NFATC2: variants seen among roughly 807,000 people sequenced by gnomAD.
The protein encoded by NFATC2 is nuclear factor of activated T-cells, cytoplasmic 2.
Under a neutral mutation model 87.3 loss-of-function variants are expected in NFATC2, and 22 were observed. That is an observed-to-expected ratio of 0.25 (90% CI 0.18 to 0.36). The LOEUF (loss-of-function observed/expected upper bound fraction) is 0.36, where lower values mean the gene tolerates loss of function less well. Among genes scored for constraint, NFATC2 ranks in the 10% least tolerant of loss-of-function variants. NFATC2 has a pLI of 1.00. For synonymous variants in NFATC2, 565 were observed against 542.2 expected, an observed-to-expected ratio of 1.04 and a Z score of -0.58; for missense variants, 1,149 against 1,259.1, an observed-to-expected ratio of 0.91 and a Z score of 1.32.
At position 51,524,380 on chromosome 20, in the gene NFATC2, C is replaced by A. The variant is rs73615400; in HGVS notation, c.131-270G>T. Among the ~76,000 whole-genome samples, 21 of 152,106 alleles carry A rather than the reference C, an allele frequency of 1.4e-4. No homozygotes were observed. The highest frequency in any genetic ancestry group is 1.2e-3 in the Admixed American group (19 of 15,282). On this transcript the variant is annotated intron_variant, in intron 1 of 10. Coordinates refer to ENST00000371564, the MANE Select transcript of NFATC2 (RefSeq NM_012340.5). This position sits in a 1 kb window ranked among gnomAD's most constrained non-coding sequence, Gnocchi z 4.0. ...AAACTTGGCTTTAAATGAAACCCTT[C>A]GGAGAAGTGCACTTTATCTCACAAC...
intron 9 of NFATC2, among the ~76,000 whole-genome samples, chr20:51,404,820 C>T (rs543542636): frequency 2.0e-5 from 3 of 152,360 alleles, no homozygotes; most frequent in Non-Finnish European, 4.4e-5. Flanking sequence ...GGGCCGGCGA[C>T]CTGCAGAGCA....
chr20:51,459,335 C>A (rs1327233082), intron 5 of NFATC2, among the ~76,000 whole-genome samples: 3 of 152,158 alleles, frequency 2.0e-5, no homozygotes, highest in Admixed American at 2.0e-4. Context: ...CCATTTATAT[C>A]AATCGGCCAG....
At chr20:51,502,506 G>GTT (rs111610247) in intron 3 of NFATC2, among the ~76,000 whole-genome samples, 1 of 151,908 alleles carries the variant, frequency 6.6e-6, no homozygotes, top group East Asian at 1.9e-4. Context: ...TTGTTTTTGT[G>GTT]TTTTTTTTGG....
intron 1 of NFATC2, among the ~76,000 whole-genome samples, chr20:51,552,822 T>C (rs1439495468): frequency 2.6e-5 from 4 of 152,162 alleles, no homozygotes; most frequent in African/African-American, 7.2e-5. Flanking sequence ...TTTTTAATTA[T>C]ATATTAAGTT....
At chr20:51,444,611 A>G (rs1003556309) in intron 6 of NFATC2, among the ~76,000 whole-genome samples, 14 of 152,280 alleles carry the variant, frequency 9.2e-5, no homozygotes. Context: ...GGCTGTGAGC[A>G]TGCCACTGGG....
At chr20:51,423,718 G>C (rs986567763) in intron 9 of NFATC2, among the ~76,000 whole-genome samples, 1 of 152,214 alleles carries the variant, frequency 6.6e-6, no homozygotes, top group Non-Finnish European at 1.5e-5. Context: ...GCCCACGAAT[G>C]ACACTGGATG....
At chr20:51,486,255 G>A (rs6067796) in intron 3 of NFATC2, among the ~76,000 whole-genome samples, 65,031 of 151,626 alleles carry the variant, frequency 0.43, 16,107 homozygotes, top group Admixed American at 0.57. Flanking sequence ...CATTGCAGCC[G>A]ACAAAACTGC....
chr20:51,462,373 T>G (rs228844), intron 5 of NFATC2, among the ~76,000 whole-genome samples: 125,014 of 151,896 alleles, frequency 0.82, 51,462 homozygotes, highest in South Asian at 0.86. Context: ...TTGAACCCGG[T>G]AGGCAGAAGT....
chr20:51,462,313 G>A (rs1241251843), intron 5 of NFATC2, among the ~76,000 whole-genome samples: 1 of 150,798 alleles, frequency 6.6e-6, no homozygotes, highest in Admixed American at 6.6e-5. Flanking sequence ...GGGCATGATG[G>A]CACGCACCTG....
chr20:51,505,915 C>G (rs2076171465), intron 3 of NFATC2, among the ~76,000 whole-genome samples: 1 of 152,148 alleles, frequency 6.6e-6, no homozygotes, highest in Non-Finnish European at 1.5e-5. Context: ...TTTTAAAATC[C>G]TAACACGATG....
chr20:51,430,430 G>C (rs1982532131), intron 9 of NFATC2, among the ~76,000 whole-genome samples: 1 of 152,194 alleles, frequency 6.6e-6, no homozygotes, highest in Non-Finnish European at 1.5e-5. Flanking sequence ...ATTGTTCAAG[G>C]ATGGATTGTA....
At chr20:51,421,987 T>C (rs1447623152) in intron 9 of NFATC2, among the ~76,000 whole-genome samples, 2 of 152,158 alleles carry the variant, frequency 1.3e-5, no homozygotes, top group African/African-American at 4.8e-5. Context: ...AAGAACCGGC[T>C]GCGGAACATT....
At chr20:51,548,266 A>G (rs1601009210) in intron 1 of NFATC2, among the ~76,000 whole-genome samples, 1 of 152,268 alleles carries the variant, frequency 6.6e-6, no homozygotes, top group East Asian at 1.9e-4. Flanking sequence ...TCACAGCTCA[A>G]AAGTCACCTG....
rs1200711185 is a variant in NFATC2, at chr20:51,389,102, TA to T, written c.*2393del. On this transcript the variant is annotated 3_prime_UTR_variant, in exon 11 of 11. Coordinates refer to ENST00000371564, the MANE Select transcript of NFATC2 (RefSeq NM_012340.5). The stretch of plus-strand genomic sequence containing the variant: ...CAGTTGTTTATGAAAGTGCTTCCTA[TA>T]ATATCCAGCTAAGATGTCTTAGAAA... 1 of 152,202 alleles carries T rather than the reference TA, an allele frequency of 6.6e-6. No homozygotes were observed. The highest frequency in any genetic ancestry group is 1.5e-5 in the Non-Finnish European group (1 of 68,042). 9.4% of individuals were successfully genotyped at this position (152,202 alleles called of 1,614,324 possible).
chr20:51,469,890 C>T (rs1009349096), intron 5 of NFATC2, among the ~76,000 whole-genome samples: 3 of 152,210 alleles, frequency 2.0e-5, no homozygotes, highest in Admixed American at 2.0e-4. Context: ...AGTGAGAGAA[C>T]ACATTTCTGT....
intron 1 of NFATC2, among the ~76,000 whole-genome samples, chr20:51,553,730 A>G (rs574834224): frequency 2.0e-5 from 3 of 151,156 alleles, no homozygotes; most frequent in Non-Finnish European, 2.9e-5. Flanking sequence ...CCTCCCCCTT[A>G]AACGACGGTC....
chr20:51,550,139 T>A (rs997975201), intron 1 of NFATC2, among the ~76,000 whole-genome samples: 5 of 150,372 alleles, frequency 3.3e-5, no homozygotes, highest in Non-Finnish European at 7.4e-5. Context: ...AGGCCAGGAG[T>A]TTGAGACCAG....
At chr20:51,393,557 T>C (rs2146202608) in intron 10 of NFATC2, among the ~76,000 whole-genome samples, 1 of 152,312 alleles carries the variant, frequency 6.6e-6, no homozygotes, top group East Asian at 1.9e-4. Context: ...GTGTACTGGG[T>C]AACAGCTGAC....
rs59698205 is a variant in NFATC2 at position 51,444,799 on chromosome 20, G to A, written c.1850-9038C>T. On this transcript the variant is annotated intron_variant, in intron 6 of 10. Transcript: ENST00000371564. The stretch of plus-strand genomic sequence containing the variant: ...AAACGTGTCCTCCCTGGAAGCATGG[G>A]CTTAATGAGCCCAGCAGACAGGGGT... Among the ~76,000 whole-genome samples the A allele has an allele frequency of 6.8e-3, 1,033 of 152,270 alleles. 14 individuals carry two copies. The highest frequency in any genetic ancestry group is 0.024 in the African/African-American group (985 of 41,562).
Sources: allele counts gnomAD v4.1 joint callset (sites outside exome capture counted in the v4.1 genomes callset), GRCh38; gene constraint gnomAD v4.1.1; non-coding constraint Gnocchi (gnomAD v3.1); transcripts MANE v1.5; gene names NCBI Gene and HGNC (gene_info 2026-07-23, HGNC 2026-07-21).